The following AKR1D1 variants were observed in gnomAD, a reference collection of about 807,000 sequenced individuals.
AKR1D1 encodes the protein delta(4)-3-ketosteroid 5-beta-reductase.
Under a neutral mutation model 42.6 loss-of-function variants are expected in AKR1D1, and 32 were observed. That is an observed-to-expected ratio of 0.75 (90% confidence interval 0.57 to 1.01). The LOEUF is 1.01. Among genes scored for constraint, AKR1D1 ranks in the 50% least tolerant of loss-of-function variants. The pLI, the probability that AKR1D1 is intolerant of heterozygous loss-of-function variation, is 0.00. For missense variants in AKR1D1, 364 were observed against 402.2 expected (o/e 0.91, Z 0.81); for synonymous variants, 123 against 135.5 (o/e 0.91, Z 0.64).
chr7:138,111,913 G>A (rs569916671), intron 7 of AKR1D1, among the ~76,000 whole-genome samples: 1 of 152,002 alleles, frequency 6.6e-6, no homozygotes, highest in African/African-American at 2.4e-5. Flanking sequence ...TTTGCAGAAT[G>A]TTCATAAAGA....
At chr7:138,092,347 T>A (rs1794101310) in intron 3 of AKR1D1, among the ~76,000 whole-genome samples, 1 of 152,198 alleles carries the variant, frequency 6.6e-6, no homozygotes, top group Non-Finnish European at 1.5e-5. Context: ...GCCCTCATCC[T>A]CACTTTGTTA....
intron 1 of AKR1D1, among the ~76,000 whole-genome samples, chr7:138,085,446 CTT>C (rs67935838): frequency 7.7e-5 from 10 of 129,776 alleles, no homozygotes; most frequent in African/African-American, 8.7e-5. Context: ...CTTTTCTTTC[CTT>C]TTTTTTTTTT....
At chr7:138,102,908 T>C (rs1010716290) in intron 4 of AKR1D1, among the ~76,000 whole-genome samples, 3 of 152,208 alleles carry the variant, frequency 2.0e-5, no homozygotes, top group African/African-American at 7.2e-5. Context: ...TCTCAAATAC[T>C]ACAAACTGGG....
intron 3 of AKR1D1, among the ~76,000 whole-genome samples, chr7:138,096,197 C>G (rs1794180132): frequency 6.6e-6 from 1 of 151,898 alleles, no homozygotes. Flanking sequence ...CAGAGTAAGA[C>G]CTTGTCTCAA....
chr7:138,100,088 CAAAAAAAAAAAAAAAA>C (rs59361346), intron 4 of AKR1D1, among the ~76,000 whole-genome samples: 9 of 43,538 alleles, frequency 2.1e-4, no homozygotes, highest in African/African-American at 6.8e-4. Flanking sequence ...GATTTCATCT[CAAAAAAAAAAAAAAAA>C]AAAAAAAAAA....
intron 7 of AKR1D1, among the ~76,000 whole-genome samples, chr7:138,110,675 C>G (rs1562938960): frequency 6.6e-6 from 1 of 152,114 alleles, no homozygotes; most frequent in Non-Finnish European, 1.5e-5. Context: ...ATCGCTTGAA[C>G]TAGGGATGCG....
At chr7:138,109,842 A>C (rs527327821) in intron 7 of AKR1D1, among the ~76,000 whole-genome samples, 1 of 152,304 alleles carries the variant, frequency 6.6e-6, no homozygotes, top group South Asian at 2.1e-4. Flanking sequence ...CAAAAATTAT[A>C]GGAGTGTTAC....
chr7:138,100,699 CTTTTTTTT>C (rs749956421), intron 4 of AKR1D1, among the ~76,000 whole-genome samples: 3 of 88,402 alleles, frequency 3.4e-5, no homozygotes, highest in East Asian at 7.9e-4. Flanking sequence ...GTCAGAGATT[CTTTTTTTT>C]TTTTTTTTTT....
chr7:138,106,745 T>C lies in AKR1D1; in HGVS notation c.689+28T>C, dbSNP rs1794442660. 2.6e-6 allele frequency: 4 copies of C among 1,543,836 alleles called. No homozygotes were observed. The African/African-American group carries it at 5.4e-5, about 21-fold the overall frequency. ...AAGTAAAACTTTAGGAAGCATTTCC[T>C]TTGGTGTAGAGTGTGAGGCTCATGT... is the stretch of plus-strand genomic sequence containing the variant. On this transcript the variant is annotated intron_variant, in intron 6 of 8. Coordinates refer to ENST00000242375, the MANE Select transcript of AKR1D1 (RefSeq NM_005989.4).
In AKR1D1 at chr7:138,095,619, G is replaced by A. The variant is rs556160536; in HGVS notation, c.379-2247G>A. ...CGGCTCACTGCAATCTCCGCCTCCC[G>A]GGTTCAAGCGATTCTCTTGCCTCAG... On this transcript the variant is annotated intron_variant, in intron 3 of 8. Coordinates refer to ENST00000242375, the MANE Select transcript of AKR1D1 (RefSeq NM_005989.4). Among the ~76,000 whole-genome samples, 16 of 152,166 alleles carry A rather than the reference G, an allele frequency of 1.1e-4. No individual in the cohort carries two copies. The East Asian group carries it at 2.1e-3, about 20-fold the overall frequency.
chr7:138,111,795 A>G (rs547573823), intron 7 of AKR1D1, among the ~76,000 whole-genome samples: 1 of 152,326 alleles, frequency 6.6e-6, no homozygotes, highest in African/African-American at 2.4e-5. Context: ...GTAGGTTACA[A>G]TTGCAAGTTT....
intron 7 of AKR1D1, among the ~76,000 whole-genome samples, chr7:138,113,097 G>A (rs978035940): frequency 9.2e-5 from 14 of 152,054 alleles, no homozygotes; most frequent in African/African-American, 2.4e-4. Flanking sequence ...TGGGAGGATC[G>A]CTTGAGTTCA....
chr7:138,089,535 C>G (rs1186296552), intron 2 of AKR1D1, among the ~76,000 whole-genome samples: 1 of 151,658 alleles, frequency 6.6e-6, no homozygotes, highest in Non-Finnish European at 1.5e-5. Context: ...CTTAATGACT[C>G]ATATTATAGG....
chr7:138,105,927 G>GA (rs34060691), intron 5 of AKR1D1, among the ~76,000 whole-genome samples: 4 of 151,438 alleles, frequency 2.6e-5, no homozygotes, highest in East Asian at 1.9e-4. Flanking sequence ...GAAAATCAAT[G>GA]AAAAAAAATG....
At chr7:138,088,487 G>A (rs1427958638) in intron 1 of AKR1D1, 114 bp from the exon 2 acceptor site, 2 of 1,250,470 alleles carry the variant, frequency 1.6e-6, no homozygotes, top group African/African-American at 1.5e-5. Context: ...GCAAGGAATT[G>A]GGAATGTGTC....
chr7:138,103,099 G>A (rs1026795207), intron 4 of AKR1D1, among the ~76,000 whole-genome samples: 1 of 151,928 alleles, frequency 6.6e-6, no homozygotes, highest in African/African-American at 2.4e-5. Flanking sequence ...CAAACTAGAA[G>A]GCAAAAATAA....
chr7:138,097,201 C>T (rs1424761550), intron 3 of AKR1D1, among the ~76,000 whole-genome samples: 1 of 152,204 alleles, frequency 6.6e-6, no homozygotes, highest in Non-Finnish European at 1.5e-5. Flanking sequence ...TTCTTTTCCT[C>T]TCTACTGCAG....
Position 138,089,088 on chromosome 7 carries a change from G to A in AKR1D1, c.261+320G>A, listed in dbSNP as rs574124284. Among the ~76,000 whole-genome samples the A allele has an allele frequency of 4.6e-5, 7 of 152,110 alleles. No individual in the cohort carries two copies. The South Asian group carries it at 6.2e-4, about 14-fold the overall frequency. ...TATTTGGCTGGGTGCGGTGTCTCAC[G>A]CCTCTAATCCGCACTTCGGGAGGCC... On this transcript the variant is annotated intron_variant, in intron 2 of 8. Transcript: ENST00000242375.
chr7:138,115,110 A>C (rs758021256), intron 8 of AKR1D1, among the ~76,000 whole-genome samples: 1 of 152,222 alleles, frequency 6.6e-6, no homozygotes, highest in Non-Finnish European at 1.5e-5. Flanking sequence ...TAGCTCTTGA[A>C]GATAAATGAC....
Sources: allele counts gnomAD v4.1 joint callset (sites outside exome capture counted in the v4.1 genomes callset), GRCh38; gene constraint gnomAD v4.1.1; transcripts MANE v1.5; gene names NCBI Gene and HGNC (gene_info 2026-07-23, HGNC 2026-07-21).